Variants in UNC5C observed in about 807,000 individuals in gnomAD.
UNC5C encodes netrin receptor UNC5C.
UNC5C carries 47 observed loss-of-function variants against 99.8 expected under a neutral mutation model. That is an observed-to-expected ratio of 0.47 (90% CI 0.37 to 0.60). The LOEUF (loss-of-function observed/expected upper bound fraction) is 0.60. UNC5C is among the 20% of genes least tolerant of loss of function. The pLI, the probability that UNC5C is intolerant of heterozygous loss-of-function variation, is 0.00. For synonymous variants in UNC5C, 487 were observed against 452.2 expected (o/e 1.08, Z -0.98); for missense variants, 1,062 against 1,165.9 (o/e 0.91, Z 1.30).
At chr4:95,441,669 A>G (rs115165903) in intron 1 of UNC5C, among the ~76,000 whole-genome samples, 2,191 of 152,278 alleles carry the variant, frequency 0.014, 50 homozygotes, top group African/African-American at 0.05. Context: ...TAGACACATA[A>G]TATATGTAAT....
rs751919097 is a variant in UNC5C at position 95,165,366 on chromosome 4, T to G, written c.*3868A>C. Reference sequence around the variant, plus strand: ...TATTGAACACCTCACCCAAAAGTTGTCCAGTTCTTGAAGAGCCTAACTTGC... The same window carrying G: ...TATTGAACACCTCACCCAAAAGTTGGCCAGTTCTTGAAGAGCCTAACTTGC... On this transcript the variant is annotated 3_prime_UTR_variant, in exon 16 of 16. Transcript: ENST00000453304. The G allele has an allele frequency of 6.6e-6, 1 of 152,214 alleles. No individual in the cohort carries two copies. Among genetic ancestry groups the G allele is most frequent in the African/African-American group, 2.4e-5 (1 of 41,466 alleles). 9.4% of individuals were successfully genotyped at this position (152,214 alleles called of 1,614,324 possible).
At chr4:95,432,457 T>C (rs546466411) in intron 1 of UNC5C, among the ~76,000 whole-genome samples, 1 of 152,264 alleles carries the variant, frequency 6.6e-6, no homozygotes, top group South Asian at 2.1e-4. Flanking sequence ...CTAAACTATT[T>C]CTTTATGTGA....
intron 7 of UNC5C, among the ~76,000 whole-genome samples, chr4:95,240,878 G>T (rs1344727056): frequency 6.6e-6 from 1 of 152,112 alleles, no homozygotes; most frequent in Non-Finnish European, 1.5e-5. Flanking sequence ...ACTAATAAAA[G>T]GTTCTGTCTC....
chr4:95,211,281 G>A (rs1738066729), intron 10 of UNC5C, among the ~76,000 whole-genome samples: 1 of 152,154 alleles, frequency 6.6e-6, no homozygotes, highest in Admixed American at 6.5e-5. Flanking sequence ...TGCACTCTAG[G>A]TACCTGACAG....
chr4:95,170,009 CAG>C, intron 15 of UNC5C, 143 bp downstream of exon 15: 1 of 1,034,236 alleles, frequency 9.7e-7, no homozygotes, highest in Non-Finnish European at 1.4e-6. Context: ...GGTACAAGGA[CAG>C]AGCTTAATGC....
At chr4:95,255,760 C>T (rs955616226) in intron 4 of UNC5C, among the ~76,000 whole-genome samples, 1 of 152,098 alleles carries the variant, frequency 6.6e-6, no homozygotes, top group Non-Finnish European at 1.5e-5. Flanking sequence ...GTGCTGTTAG[C>T]TTTCAAAACT....
At chr4:95,346,655 T>C (rs1363689297) in intron 1 of UNC5C, among the ~76,000 whole-genome samples, 2 of 151,844 alleles carry the variant, frequency 1.3e-5, no homozygotes, top group East Asian at 1.9e-4. Flanking sequence ...ATACATCCTA[T>C]TGAGAGAATG....
At chr4:95,483,115 C>T (rs78173724) in intron 1 of UNC5C, among the ~76,000 whole-genome samples, 4,175 of 150,736 alleles carry the variant, frequency 0.028, 78 homozygotes, top group African/African-American at 0.062. Context: ...TTCTGCTAAT[C>T]GTATATGCCT....
At chr4:95,269,931 T>C (rs1740595284) in intron 4 of UNC5C, among the ~76,000 whole-genome samples, 1 of 152,072 alleles carries the variant, frequency 6.6e-6, no homozygotes, top group South Asian at 2.1e-4. Context: ...GTCAGGCTGG[T>C]CTCAAACTTT....
intron 2 of UNC5C, among the ~76,000 whole-genome samples, chr4:95,322,497 T>A (rs1742727535): frequency 6.6e-6 from 1 of 152,182 alleles, no homozygotes; most frequent in African/African-American, 2.4e-5. Context: ...ATATAAACTA[T>A]ACCATACCAT....
intron 7 of UNC5C, among the ~76,000 whole-genome samples, chr4:95,233,877 A>T (rs1163191533): frequency 6.6e-6 from 1 of 152,192 alleles, no homozygotes; most frequent in Non-Finnish European, 1.5e-5. Context: ...AGAAGGTTGC[A>T]GTGAGCCAGA....
chr4:95,252,097 C>G (rs1022040416), intron 4 of UNC5C, among the ~76,000 whole-genome samples: 1 of 152,104 alleles, frequency 6.6e-6, no homozygotes, highest in Admixed American at 6.5e-5. Flanking sequence ...AGAGATATGC[C>G]TGAGTATCTC....
At chr4:95,299,356 G>A (rs1040800290) in intron 3 of UNC5C, among the ~76,000 whole-genome samples, 2 of 152,246 alleles carry the variant, frequency 1.3e-5, no homozygotes, top group South Asian at 4.2e-4. Flanking sequence ...TGCACTTCCA[G>A]CCTTCAGAAC....
intron 1 of UNC5C, among the ~76,000 whole-genome samples, chr4:95,506,533 G>T (rs1721927534): frequency 6.6e-6 from 1 of 151,924 alleles, no homozygotes; most frequent in Non-Finnish European, 1.5e-5. Context: ...GGTCTTTGAT[G>T]TAATAATATA....
chr4:95,400,613 A>T (rs1311407752), intron 1 of UNC5C, among the ~76,000 whole-genome samples: 1 of 151,984 alleles, frequency 6.6e-6, no homozygotes, highest in Non-Finnish European at 1.5e-5. Flanking sequence ...GGATGGTCTC[A>T]ATCTCCTGAC....
At chr4:95,268,544 T>G (rs1740538310) in intron 4 of UNC5C, among the ~76,000 whole-genome samples, 1 of 152,204 alleles carries the variant, frequency 6.6e-6, no homozygotes. Context: ...ACCCTATGAT[T>G]GGTTAAGGAA....
chr4:95,386,660 T>C (rs189491358), intron 1 of UNC5C, among the ~76,000 whole-genome samples: 10 of 152,246 alleles, frequency 6.6e-5, no homozygotes, highest in Admixed American at 5.9e-4. Context: ...TCTCTGATGG[T>C]CTCTAACCAG....
intron 1 of UNC5C, among the ~76,000 whole-genome samples, chr4:95,424,404 C>T (rs1030282207): frequency 4.0e-5 from 6 of 151,358 alleles, no homozygotes; most frequent in African/African-American, 1.2e-4. Context: ...TACTGGCTGA[C>T]GGCTTCATAT....
intron 1 of UNC5C, among the ~76,000 whole-genome samples, chr4:95,393,356 A>T (rs1476606867): frequency 6.6e-6 from 1 of 152,178 alleles, no homozygotes; most frequent in African/African-American, 2.4e-5. Context: ...CAGTCATACT[A>T]GTTGATGGTG....
Sources: gnomAD v4.1 joint callset for allele counts (sites outside exome capture counted in the v4.1 genomes callset) on GRCh38, gnomAD v4.1.1 for gene constraint, MANE v1.5 for transcripts, NCBI Gene and HGNC (gene_info 2026-07-23, HGNC 2026-07-21) for gene names.